The following ITGA4 variants were observed in gnomAD, a reference collection of about 807,000 sequenced individuals.
The protein encoded by ITGA4 is integrin alpha-4.
ITGA4 carries 63 observed loss-of-function variants against 133.6 expected under a neutral mutation model. That is an observed-to-expected ratio of 0.47 (90% confidence interval 0.38 to 0.58). The LOEUF (loss-of-function observed/expected upper bound fraction) is 0.58. Ranked by LOEUF, ITGA4 falls within the 20% of genes least tolerant of loss-of-function variation. ITGA4 has a pLI of 0.00. For synonymous variants in ITGA4, 483 were observed against 438.0 expected (o/e 1.10, Z -1.28); for missense variants, 1,076 against 1,252.7 (o/e 0.86, Z 2.13).
At chr2:181,529,962 TTAG>T (rs1686910754) in intron 23 of ITGA4, among the ~76,000 whole-genome samples, 1 of 152,212 alleles carries the variant, frequency 6.6e-6, no homozygotes, top group East Asian at 1.9e-4. Context: ...GTAACTTCTA[TTAG>T]TAGAATTCTT....
chr2:181,488,731 T>C (rs1685977750), intron 10 of ITGA4, among the ~76,000 whole-genome samples: 1 of 151,960 alleles, frequency 6.6e-6, no homozygotes, highest in Admixed American at 6.6e-5. Context: ...CTAATTTTTT[T>C]GTGTTTTTAG....
In ITGA4 at chr2:181,480,267, G is replaced by A; in HGVS notation, c.754+1G>A. Reference sequence around the variant, plus strand: ...CAAGTAAAATTTGGAAGTTATTTAGGTACTATAAAAATTGACAAACTTAAA... The same window carrying A: ...CAAGTAAAATTTGGAAGTTATTTAGATACTATAAAAATTGACAAACTTAAA... On this transcript the variant is annotated splice_donor_variant, in intron 6 of 27. Transcript: ENST00000397033. LOFTEE classifies it high-confidence loss of function. 1 of 1,401,146 alleles carries A rather than the reference G, an allele frequency of 7.1e-7. No homozygotes were observed. Among genetic ancestry groups the A allele is most frequent in the Non-Finnish European group, 9.6e-7 (1 of 1,041,206 alleles). 86.8% of individuals were successfully genotyped at this position (1,401,146 alleles called of 1,614,324 possible).
chr2:181,522,044 G>GC, intron 17 of ITGA4, 147 bp from the exon 18 acceptor site: 1 of 446,738 alleles, frequency 2.2e-6, no homozygotes, highest in East Asian at 3.4e-5. Context: ...ACATCTGCTT[G>GC]CATAGGGTCA....
intron 20 of ITGA4, among the ~76,000 whole-genome samples, chr2:181,524,562 G>T (rs1355714398): frequency 2.6e-5 from 4 of 151,936 alleles, no homozygotes; most frequent in African/African-American, 9.7e-5. Context: ...TAAAAGTGAG[G>T]GTAATGACTT....
rs2105760887 is a variant in ITGA4, at chr2:181,516,122, A to C, written c.1922+4347A>C. Among the ~76,000 whole-genome samples, 1 of 152,226 alleles carries C rather than the reference A, an allele frequency of 6.6e-6. No individual in the cohort carries two copies. The highest frequency in any genetic ancestry group is 2.1e-4 in the South Asian group (1 of 4,822). Reference sequence around the variant, plus strand: ...AACCAACACGACTTCAAGATTACAAATATAATAGAAGGTATTAGCCATCAC... The same window carrying C: ...AACCAACACGACTTCAAGATTACAACTATAATAGAAGGTATTAGCCATCAC... On this transcript the variant is annotated intron_variant, in intron 17 of 27. Coordinates refer to ENST00000397033, the MANE Select transcript of ITGA4 (RefSeq NM_000885.6). This position sits in a 1 kb window ranked among gnomAD's most constrained non-coding sequence, Gnocchi z 4.0.
rs537967991 is a variant in ITGA4 at position 181,457,622 on chromosome 2, C to A, written c.-33C>A. On this transcript the variant is annotated 5_prime_UTR_variant, in exon 1 of 28. Coordinates refer to ENST00000397033, the MANE Select transcript of ITGA4 (RefSeq NM_000885.6). ...TCCCGTGCAACTTTGGGGTAGTGGC[C>A]GTTTAGTGTTGAATGTTCCCCACCG... 5.3e-5 allele frequency: 84 copies of A among 1,590,192 alleles called. No individual in the cohort carries two copies. In the Admixed American group the frequency reaches 1.4e-3, roughly 26 times the overall value.
In ITGA4 at chr2:181,485,985, C is replaced by T. The variant is rs1219089561; in HGVS notation, c.1146C>T (p.Gly382=). 3.2e-6 allele frequency: 5 copies of T among 1,580,020 alleles called. No homozygotes were observed. The highest frequency in any genetic ancestry group is 4.3e-6 in the Non-Finnish European group (5 of 1,169,270). The change falls in exon 10 of 28, where the codon GGC becomes GGT. Residue 382 remains glycine, a synonymous_variant. Transcript: ENST00000397033. The stretch of plus-strand genomic sequence containing the variant: ...ATCTTGGCGACATTGACAATGATGG[C>T]TTTGAAGGTAATTAAAATTATCAAA... ...IVNLGDIDND[G]FEDVAIGAPQ... is the part of the protein sequence containing the mutation.
At chr2:181,474,896 A>G in intron 2 of ITGA4, 64 bp from the exon 3 acceptor site, 1 of 1,224,206 alleles carries the variant, frequency 8.2e-7, no homozygotes. Flanking sequence ...ATGAGTGCAC[A>G]GTTTTCTCTT....
chr2:181,487,650 T>C (rs1685950786), intron 10 of ITGA4, among the ~76,000 whole-genome samples: 1 of 152,230 alleles, frequency 6.6e-6, no homozygotes, highest in African/African-American at 2.4e-5. Flanking sequence ...TTATGCTTGA[T>C]GTTACATCTC....
chr2:181,536,781 A>G lies in ITGA4; in HGVS notation c.*1254A>G. On this transcript the variant is annotated 3_prime_UTR_variant, in exon 28 of 28. Transcript: ENST00000397033. ...TTCTTTAAATACAATCATTTTTGTA[A>G]TATTTATTTTATGCTTATGATCTAG... 1 of 244,802 alleles carries G rather than the reference A, an allele frequency of 4.1e-6. No individual in the cohort carries two copies. The highest frequency in any genetic ancestry group is 4.7e-5 in the South Asian group (1 of 21,124). 15.2% of individuals were successfully genotyped at this position (244,802 alleles called of 1,614,324 possible).
intron 22 of ITGA4, 164 bp downstream of exon 22, chr2:181,527,551 C>A: frequency 1.8e-6 from 1 of 542,924 alleles, no homozygotes; most frequent in East Asian, 3.2e-5. Flanking sequence ...CAGACCCCTG[C>A]TGCTTTCCTT....
chr2:181,482,687 G>A, intron 9 of ITGA4, 36 bp downstream of exon 9: 1 of 1,600,456 alleles, frequency 6.2e-7, no homozygotes. Context: ...GCCATTTATG[G>A]AATTATGATC....
At chr2:181,484,356 C>T (rs1433679682) in intron 9 of ITGA4, among the ~76,000 whole-genome samples, 1 of 152,166 alleles carries the variant, frequency 6.6e-6, no homozygotes, top group Non-Finnish European at 1.5e-5. Context: ...CTCTCTGTGA[C>T]TAGGGAATAC....
chr2:181,478,349 C>G (rs550451612), intron 4 of ITGA4, among the ~76,000 whole-genome samples: 55 of 152,038 alleles, frequency 3.6e-4, no homozygotes, highest in South Asian at 1.0e-3. Flanking sequence ...ACTCTAAATG[C>G]ACAAAAAAGA....
chr2:181,538,020 T>C lies in ITGA4; in HGVS notation c.*2493T>C, dbSNP rs1436273468. On this transcript the variant is annotated 3_prime_UTR_variant, in exon 28 of 28. Coordinates refer to ENST00000397033, the MANE Select transcript of ITGA4 (RefSeq NM_000885.6). ...CTCAAGAGAATCTAATGCCTGATGA[T>C]CTGAGGTGGAACAGTTCATCCTGAA... 1.4e-6 allele frequency: 1 copy of C among 690,732 alleles called. No homozygotes were observed. Among genetic ancestry groups the C allele is most frequent in the Non-Finnish European group, 2.7e-6 (1 of 368,464 alleles). 42.8% of individuals were successfully genotyped at this position (690,732 alleles called of 1,614,324 possible).
chr2:181,501,283 C>A (rs1283874101), intron 15 of ITGA4, among the ~76,000 whole-genome samples: 2 of 152,072 alleles, frequency 1.3e-5, no homozygotes, highest in Admixed American at 1.3e-4. Context: ...GCGAGAAAAG[C>A]TGAGTCAAAA....
chr2:181,458,987 C>A (rs554257921), intron 2 of ITGA4: 1 of 152,386 alleles, frequency 6.6e-6, no homozygotes, highest in Non-Finnish European at 1.5e-5. Flanking sequence ...GGAGAAGTTT[C>A]ATGTTTCAAA....
chr2:181,471,658 T>C (rs1685553795), intron 2 of ITGA4, among the ~76,000 whole-genome samples: 2 of 152,322 alleles, frequency 1.3e-5, no homozygotes, highest in Non-Finnish European at 2.9e-5. Flanking sequence ...GTAACAGATA[T>C]GAGATTACAT....
At chr2:181,524,810 TTCTTTGA>T (rs1342986562) in intron 20 of ITGA4, among the ~76,000 whole-genome samples, 1 of 152,160 alleles carries the variant, frequency 6.6e-6, no homozygotes, top group Non-Finnish European at 1.5e-5. Context: ...TTGATGTGCT[TTCTTTGA>T]TCATTAAGTC....
Sources: allele counts gnomAD v4.1 joint callset (sites outside exome capture counted in the v4.1 genomes callset), GRCh38; gene constraint gnomAD v4.1.1; non-coding constraint Gnocchi (gnomAD v3.1); transcripts MANE v1.5; gene names NCBI Gene and HGNC (gene_info 2026-07-23, HGNC 2026-07-21).